Variants in REV1 observed in about 807,000 individuals in gnomAD.
REV1 encodes the protein translesion synthesis protein REV1.
REV1 carries 42 observed loss-of-function variants against 137.4 expected under a neutral mutation model. The ratio of observed to expected loss-of-function variants is 0.31; its 90% CI spans 0.24 to 0.40. REV1 has a LOEUF of 0.40. REV1 is among the 10% of genes least tolerant of loss of function. The pLI is 1.00. For synonymous variants in REV1, 524 were observed against 519.2 expected, an observed-to-expected ratio of 1.01 and a Z score of -0.12; for missense variants, 1,282 against 1,490.1, an observed-to-expected ratio of 0.86 and a Z score of 2.30.
At chr2:99,456,321 C>T (rs979956682) in intron 3 of REV1, among the ~76,000 whole-genome samples, 5 of 152,190 alleles carry the variant, frequency 3.3e-5, no homozygotes, top group African/African-American at 7.2e-5. Context: ...GTCTGTGCCC[C>T]GTGATAGCAC....
In REV1 at chr2:99,418,942, T is replaced by C; in HGVS notation, c.1837A>G (p.Asn613Asp). The C allele has an allele frequency of 6.3e-7, 1 of 1,593,676 alleles. No individual in the cohort carries two copies. Among genetic ancestry groups the C allele is most frequent in the Non-Finnish European group, 8.5e-7 (1 of 1,172,598 alleles). Residue 613 changes from asparagine (N) to aspartate (D), a missense_variant, in exon 12 of 23, where the codon AAT (asparagine) becomes GAT (aspartate). By Grantham distance (23) the Asn-to-Asp change is conservative. Transcript: ENST00000258428. ...GTTGCCATTCTAGCCAGGAGAATAT[T>C]AGAACCTATTAAAAAAAAAAGTCAT... ...KCAASVGIGS[N>D]ILLARMATRK...
At chr2:99,404,350 T>C in intron 18 of REV1, 94 bp downstream of exon 18, 1 of 921,826 alleles carries the variant, frequency 1.1e-6, no homozygotes, top group Non-Finnish European at 1.7e-6. Context: ...TGGTGTCAGA[T>C]ACAGAGGAGA....
intron 3 of REV1, among the ~76,000 whole-genome samples, chr2:99,450,626 G>A (rs1396096842): frequency 6.6e-6 from 1 of 152,010 alleles, no homozygotes; most frequent in Non-Finnish European, 1.5e-5. Context: ...ACAAATATTA[G>A]CACTATTCAG....
chr2:99,483,212 A>G (rs1202629697), intron 1 of REV1, among the ~76,000 whole-genome samples: 2 of 152,162 alleles, frequency 1.3e-5, no homozygotes, highest in African/African-American at 4.8e-5. Flanking sequence ...AAACCATTTA[A>G]AAGAGCAAAA....
intron 11 of REV1, among the ~76,000 whole-genome samples, chr2:99,420,156 A>G (rs996110946): frequency 1.3e-5 from 2 of 152,258 alleles, no homozygotes; most frequent in African/African-American, 2.4e-5. Flanking sequence ...CTGTGGGCCA[A>G]CATCAGGGGG....
In REV1 at chr2:99,412,817, G is replaced by A. The variant is rs758562897; in HGVS notation, c.2086C>T (p.Arg696Cys). 6 of 1,613,884 alleles carry A rather than the reference G, an allele frequency of 3.7e-6. No individual in the cohort carries two copies. The highest frequency in any genetic ancestry group is 1.3e-5 in the African/African-American group (1 of 74,858). Reference protein sequence around the residue: ...KTGQMLYRFCRGLDDRPVRTE... With the variant: ...KTGQMLYRFCCGLDDRPVRTE... ...CGAACTGGTCTATCATCCAAGCCACGGCAGAACCTATAAAGCATCTGACCT... is the reference window on the plus strand; with the variant it reads ...CGAACTGGTCTATCATCCAAGCCACAGCAGAACCTATAAAGCATCTGACCT... The change falls in exon 13 of 23, where the codon CGT becomes TGT. Residue 696 changes from arginine (R) to cysteine (C), a missense_variant. Transcript: ENST00000258428.
rs569456360 is a variant in REV1 at position 99,485,054 on chromosome 2, C to G, written c.-11+4763G>C. Among the ~76,000 whole-genome samples, 36 of 152,178 alleles carry G rather than the reference C, an allele frequency of 2.4e-4. No homozygotes were observed. In the South Asian group the frequency reaches 7.0e-3, roughly 30 times the overall value. ...AGAAATGTTACACAAAGCAGCAGCC[C>G]TTTGACTTTTAAAAAAAAATTTACA... On this transcript the variant is annotated intron_variant, in intron 1 of 22. Coordinates refer to ENST00000258428, the MANE Select transcript of REV1 (RefSeq NM_016316.4).
chr2:99,451,254 G>T (rs1459784147), intron 3 of REV1: 1 of 690,344 alleles, frequency 1.4e-6, no homozygotes, highest in Non-Finnish European at 1.9e-6. Flanking sequence ...TCTATTTAAT[G>T]ACTTAAATAG....
At chr2:99,423,899 G>A (rs1679006150) in intron 10 of REV1, among the ~76,000 whole-genome samples, 1 of 152,140 alleles carries the variant, frequency 6.6e-6, no homozygotes, top group Non-Finnish European at 1.5e-5. Context: ...AGTAATATAA[G>A]CAAATAATCA....
intron 1 of REV1, among the ~76,000 whole-genome samples, chr2:99,480,689 A>AC (rs1208115215): frequency 6.6e-6 from 1 of 152,200 alleles, no homozygotes; most frequent in Non-Finnish European, 1.5e-5. Context: ...AAATATAGTC[A>AC]AACTCTTTTT....
chr2:99,429,764 T>C (rs1470665939), intron 9 of REV1, 76 bp downstream of exon 9: 1 of 783,016 alleles, frequency 1.3e-6, no homozygotes, highest in Non-Finnish European at 1.8e-6. Context: ...CTTCAAAAGA[T>C]TATAGTTCAA....
intron 1 of REV1, among the ~76,000 whole-genome samples, chr2:99,481,834 G>C (rs966354869): frequency 2.0e-5 from 3 of 152,136 alleles, no homozygotes; most frequent in Non-Finnish European, 2.9e-5. Flanking sequence ...GCACCACTGT[G>C]ACACAGTGAG....
intron 3 of REV1, among the ~76,000 whole-genome samples, chr2:99,455,152 A>T (rs1211679135): frequency 6.6e-6 from 1 of 152,236 alleles, no homozygotes; most frequent in Admixed American, 6.5e-5. Flanking sequence ...CAAAGAACTT[A>T]ATTAATTGTT....
chr2:99,455,680 T>C (rs1311348119), intron 3 of REV1, among the ~76,000 whole-genome samples: 1 of 152,100 alleles, frequency 6.6e-6, no homozygotes, highest in African/African-American at 2.4e-5. Context: ...CCATACAAAA[T>C]AATATCTGGG....
chr2:99,402,647 A>C lies in REV1; in HGVS notation c.3538T>G (p.Ser1180Ala), dbSNP rs755394967. 1.9e-6 allele frequency: 3 copies of C among 1,613,508 alleles called. No homozygotes were observed. The Admixed American group carries it at 5.0e-5, about 27-fold the overall frequency. ...TLLREWITTI[S>A]DPMEEDILQV... is the part of the protein sequence containing the mutation. ...ATCTAACACAGGCCAAGCCAACCTG[A>C]AATTGTAGTTATCCATTCTCTGAGC... is the stretch of plus-strand genomic sequence containing the variant. The change falls in exon 21 of 23, where the codon TCA becomes GCA. Residue 1180 changes from serine (S) to alanine (A), a missense_variant. Physicochemically the swap from Ser to Ala is moderately conservative, Grantham distance 99. This residue lies in a region of REV1 where 170 missense variants were observed against 156.8 expected (regional missense o/e 1.08). Coordinates refer to ENST00000258428, the MANE Select transcript of REV1 (RefSeq NM_016316.4).
At chr2:99,412,358 T>A (rs1677294228) in intron 13 of REV1, among the ~76,000 whole-genome samples, 1 of 150,458 alleles carries the variant, frequency 6.6e-6, no homozygotes, top group African/African-American at 2.5e-5. Context: ...AAAGCTTGCA[T>A]AAGGAGGGGT....
chr2:99,418,816 AT>A lies in REV1; in HGVS notation c.1951+11del, dbSNP rs1559310802. The A allele has an allele frequency of 1.9e-6, 3 of 1,607,024 alleles. No homozygotes were observed. In the South Asian group the frequency reaches 3.3e-5, roughly 18 times the overall value. Reference sequence around the variant, plus strand: ...CCTGTAATAAAAGTATTGTTAAAATATTTCTATTTACCTGGTAGATTGGTCA... The same window carrying A: ...CCTGTAATAAAAGTATTGTTAAAATATTCTATTTACCTGGTAGATTGGTCA... On this transcript the variant is annotated intron_variant, in intron 12 of 22. Transcript: ENST00000258428.
At chr2:99,453,427 C>G (rs1052894645) in intron 3 of REV1, among the ~76,000 whole-genome samples, 1 of 152,042 alleles carries the variant, frequency 6.6e-6, no homozygotes, top group African/African-American at 2.4e-5. Context: ...TTTCTTACCC[C>G]AAACCGGGAA....
chr2:99,415,867 G>C (rs1677786140), intron 12 of REV1, among the ~76,000 whole-genome samples: 1 of 152,250 alleles, frequency 6.6e-6, no homozygotes, highest in African/African-American at 2.4e-5. Context: ...GCCCTGCAAA[G>C]ATCCAGAGAA....
Sources: gnomAD v4.1 joint callset for allele counts (sites outside exome capture counted in the v4.1 genomes callset) on GRCh38, gnomAD v4.1.1 for gene constraint, gnomAD v4.1.1 regional missense constraint, MANE v1.5 for transcripts, NCBI Gene and HGNC (gene_info 2026-07-23, HGNC 2026-07-21) for gene names.